TAFA5: variants seen among roughly 807,000 people sequenced by gnomAD.
TAFA5 encodes the protein chemokine-like protein TAFA-5.
A neutral mutation model predicts 15.3 loss-of-function variants in TAFA5; 6 were observed. The ratio of observed to expected loss-of-function variants is 0.39; its 90% CI spans 0.21 to 0.77. The LOEUF (loss-of-function observed/expected upper bound fraction) is 0.77. Among genes scored for constraint, TAFA5 ranks in the 30% least tolerant of loss-of-function variants. The pLI is 0.41. For missense variants in TAFA5, 161 were observed against 193.1 expected (o/e 0.83, Z 0.98); for synonymous variants, 103 against 80.7 (o/e 1.28, Z -1.48).
Position 48,702,871 on chromosome 22 carries a change from G to C in TAFA5, c.263-4846G>C, listed in dbSNP as rs571526272. On this transcript the variant is annotated intron_variant, in intron 2 of 3. Coordinates refer to ENST00000402357, the MANE Select transcript of TAFA5 (RefSeq NM_001082967.3). Reference sequence around the variant, plus strand: ...CTCCAGCAGGAAGTGGGCTGGGGTGGGTGAGCCCAGCTCCTGCCGTCAAAC... The same window carrying C: ...CTCCAGCAGGAAGTGGGCTGGGGTGCGTGAGCCCAGCTCCTGCCGTCAAAC... 5.9e-5 allele frequency among the ~76,000 whole-genome samples: 9 copies of C among 152,326 alleles called. No homozygotes were observed. In the South Asian group the frequency reaches 1.9e-3, roughly 32 times the overall value.
At chr22:48,695,183 A>T (rs949922599) in intron 2 of TAFA5, among the ~76,000 whole-genome samples, 17 of 151,292 alleles carry the variant, frequency 1.1e-4, no homozygotes, top group African/African-American at 3.4e-4. Context: ...TGTGTGTGTG[A>T]TTTGTATGTA....
At chr22:48,528,350 T>G (rs133482) in intron 1 of TAFA5, among the ~76,000 whole-genome samples, 144,544 of 152,186 alleles carry the variant, frequency 0.95, 68,760 homozygotes, top group East Asian at 1. Context: ...CAGGAAAGGG[T>G]TCTGCTCTGG....
At position 48,552,188 on chromosome 22, in the gene TAFA5, C is replaced by G. The variant is rs1922880097; in HGVS notation, c.112+62484C>G. Among the ~76,000 whole-genome samples the G allele has an allele frequency of 6.6e-6, 1 of 152,178 alleles. No homozygotes were observed. Among genetic ancestry groups the G allele is most frequent in the Non-Finnish European group, 1.5e-5 (1 of 68,022 alleles). ...CCAAGGAGTCACCAGTCACAGCGGA[C>G]CTCACATGGCTCTTCTGCTGTGGAG... is the stretch of plus-strand genomic sequence containing the variant. On this transcript the variant is annotated intron_variant, in intron 1 of 3. Transcript: ENST00000402357. The surrounding 1 kb of genome is among the most constrained non-coding windows in gnomAD (Gnocchi z 4.1).
At chr22:48,574,343 C>G (rs969065706) in intron 1 of TAFA5, among the ~76,000 whole-genome samples, 1 of 151,932 alleles carries the variant, frequency 6.6e-6, no homozygotes, top group Admixed American at 6.5e-5. Context: ...TGGATGGCCT[C>G]TCCCCTGGCC....
chr22:48,540,524 C>T (rs1034690120), intron 1 of TAFA5, among the ~76,000 whole-genome samples: 13 of 152,074 alleles, frequency 8.5e-5, no homozygotes, highest in African/African-American at 2.9e-4. Flanking sequence ...GGGTGTCCTC[C>T]GCCCCGGCAA....
At chr22:48,583,055 A>G (rs535954444) in intron 1 of TAFA5, among the ~76,000 whole-genome samples, 3 of 150,280 alleles carry the variant, frequency 2.0e-5, no homozygotes, top group South Asian at 4.2e-4. Flanking sequence ...CACCGCACAC[A>G]AAGTACACCA....
intron 1 of TAFA5, among the ~76,000 whole-genome samples, chr22:48,586,980 ACTCTGGTGAGAACCGGGC>A (rs1170033906): frequency 6.6e-6 from 1 of 152,014 alleles, no homozygotes; most frequent in Non-Finnish European, 1.5e-5. Context: ...CCACATGGGG[ACTCTGGTGAGAACCGGGC>A]CTCCACCGAC....
chr22:48,533,958 C>T (rs1169820464), intron 1 of TAFA5, among the ~76,000 whole-genome samples: 1 of 152,158 alleles, frequency 6.6e-6, no homozygotes, highest in Non-Finnish European at 1.5e-5. Context: ...CATAGTGGGT[C>T]AGCACCCCAA....
At chr22:48,628,957 C>T (rs766821409) in intron 1 of TAFA5, among the ~76,000 whole-genome samples, 57 of 152,076 alleles carry the variant, frequency 3.7e-4, no homozygotes, top group Non-Finnish European at 6.9e-4. Context: ...AGTGCAGAGC[C>T]GGGCGCCGTT....
chr22:48,743,189 G>A (rs1930231055), intron 3 of TAFA5, among the ~76,000 whole-genome samples: 1 of 152,100 alleles, frequency 6.6e-6, no homozygotes, highest in Admixed American at 6.5e-5. Flanking sequence ...AGCAGCAGAG[G>A]GTCCTCCCTG....
intron 1 of TAFA5, among the ~76,000 whole-genome samples, chr22:48,604,307 C>T (rs773608914): frequency 2.6e-5 from 4 of 152,228 alleles, no homozygotes; most frequent in African/African-American, 7.2e-5. Flanking sequence ...ACCTTCAGTG[C>T]CCTGGAGTCA....
At chr22:48,585,598 T>TA (rs1435776237) in intron 1 of TAFA5, among the ~76,000 whole-genome samples, 4 of 141,788 alleles carry the variant, frequency 2.8e-5, no homozygotes, top group Non-Finnish European at 6.2e-5. Context: ...ACCACACAGA[T>TA]ACCACACACA....
intron 2 of TAFA5, among the ~76,000 whole-genome samples, chr22:48,646,991 T>G (rs1926892007): frequency 6.6e-6 from 1 of 152,154 alleles, no homozygotes; most frequent in South Asian, 2.1e-4. Flanking sequence ...CCTGCCTTAC[T>G]TGCCTATGTT....
intron 3 of TAFA5, among the ~76,000 whole-genome samples, chr22:48,708,386 A>C (rs905757643): frequency 6.6e-6 from 1 of 152,158 alleles, no homozygotes; most frequent in Admixed American, 6.5e-5. Flanking sequence ...TGGGGCATGC[A>C]GTGCACCCCG....
chr22:48,679,734 C>A (rs1928115938), intron 2 of TAFA5, among the ~76,000 whole-genome samples: 1 of 120,306 alleles, frequency 8.3e-6, no homozygotes. Context: ...CCCCGTCCAT[C>A]CCTCTCCTGG....
At chr22:48,630,086 C>G (rs1043575576) in intron 1 of TAFA5, among the ~76,000 whole-genome samples, 2 of 151,804 alleles carry the variant, frequency 1.3e-5, no homozygotes, top group Non-Finnish European at 2.9e-5. Context: ...GGGCGGGGGA[C>G]GAGCAGGTGG....
At chr22:48,679,673 C>G (rs189043694) in intron 2 of TAFA5, among the ~76,000 whole-genome samples, 1 of 110,346 alleles carries the variant, frequency 9.1e-6, no homozygotes, top group African/African-American at 4.0e-5. Flanking sequence ...ATCCCTCTCC[C>G]GTCTCCCCGT....
chr22:48,682,114 C>T (rs1349809485), intron 2 of TAFA5, among the ~76,000 whole-genome samples: 1 of 152,132 alleles, frequency 6.6e-6, no homozygotes, highest in African/African-American at 2.4e-5. Context: ...CTTCTGCACC[C>T]CTGTGGATGT....
Position 48,673,167 on chromosome 22 carries a change from C to T in TAFA5, c.262+26421C>T, listed in dbSNP as rs747285170. On this transcript the variant is annotated intron_variant, in intron 2 of 3. Coordinates refer to ENST00000402357, the MANE Select transcript of TAFA5 (RefSeq NM_001082967.3). ...TTCTGAGGAAGGTCCCCTCCATCAC[C>T]GTCATCTTCTCCTCCAGCAACCCCA... 6.5e-4 allele frequency among the ~76,000 whole-genome samples: 99 copies of T among 152,230 alleles called. 1 individual carries two copies. The highest frequency in any genetic ancestry group is 3.9e-4 in the Admixed American group (6 of 15,280).
Sources: allele counts gnomAD v4.1 joint callset (sites outside exome capture counted in the v4.1 genomes callset), GRCh38; gene constraint gnomAD v4.1.1; non-coding constraint Gnocchi (gnomAD v3.1); transcripts MANE v1.5; gene names NCBI Gene and HGNC (gene_info 2026-07-23, HGNC 2026-07-21).